The following PCDHA7 variants were observed in gnomAD, a reference collection of about 807,000 sequenced individuals.
PCDHA7 encodes the protein protocadherin alpha 7.
In PCDHA7, 37 loss-of-function variants were observed where a neutral mutation model predicts 57.2. The observed-to-expected ratio is 0.65, with a 90% CI of 0.50 to 0.85. The LOEUF is 0.85. Ranked by LOEUF, PCDHA7 falls within the 40% of genes least tolerant of loss-of-function variation. PCDHA7 has a pLI of 0.00. For missense variants in PCDHA7, 1,188 were observed against 1,241.8 expected (o/e 0.96, Z 0.65); for synonymous variants, 553 against 558.8 (o/e 0.99, Z 0.15).
chr5:140,865,412 A>C (rs1347341740), intron 1 of PCDHA7: 2 of 152,242 alleles, frequency 1.3e-5, no homozygotes, highest in Non-Finnish European at 2.9e-5. Context: ...AAAAGGAATT[A>C]GTAGTGTCTA....
chr5:140,871,832 C>G (rs2053333400), intron 1 of PCDHA7, among the ~76,000 whole-genome samples: 2 of 152,246 alleles, frequency 1.3e-5, no homozygotes, highest in Non-Finnish European at 2.9e-5. Context: ...CCCTTCATCT[C>G]TAAACTTCAA....
In PCDHA7 at chr5:140,834,970, T is replaced by A. The variant is rs2150229489; in HGVS notation, c.587T>A (p.Leu196Ter). 1 of 1,502,862 alleles carries A rather than the reference T, an allele frequency of 6.7e-7. No homozygotes were observed. The highest frequency in any genetic ancestry group is 9.0e-7 in the Non-Finnish European group (1 of 1,110,702). The allele number at this position is 1,502,862 out of a possible 1,614,324, so 93.1% of individuals were successfully genotyped here. A position where few individuals can be genotyped will look rare whatever the true frequency, so the allele number is the denominator to read the frequency against. The stretch of plus-strand genomic sequence containing the variant: ...CAGGTAAAACCTCTTGGACTTGTAT[T>A]ACGGAAACTTTTAGACAGAGAAGAA... ...NQQVKPLGLV[L>*]RKLLDREETP... The change falls in exon 1 of 4, where the codon TTA (leucine) becomes TAA (stop). Residue 196 changes from leucine (L) to a stop codon, truncating the protein, a stop_gained. Coordinates refer to ENST00000525929, the MANE Select transcript of PCDHA7 (RefSeq NM_018910.3). LOFTEE classifies it high-confidence loss of function.
At chr5:140,862,914 T>G (rs1324923018) in intron 1 of PCDHA7, 1 of 548,316 alleles carries the variant, frequency 1.8e-6, no homozygotes, top group African/African-American at 2.0e-5. Flanking sequence ...TGCTGGCGCC[T>G]TGGGTGGGCT....
At chr5:140,876,164 C>T (rs1554168313) in intron 1 of PCDHA7, 2 of 1,613,950 alleles carry the variant, frequency 1.2e-6, no homozygotes, top group South Asian at 1.1e-5. Flanking sequence ...ATTCAAATAA[C>T]CGTCCTGGAT....
intron 1 of PCDHA7, among the ~76,000 whole-genome samples, chr5:140,874,132 A>C (rs181983769): frequency 1.3e-5 from 2 of 152,240 alleles, no homozygotes; most frequent in East Asian, 3.8e-4. Flanking sequence ...TATTTAAGTT[A>C]TCTTATACTT....
chr5:140,993,372 A>T (rs2097552472), intron 3 of PCDHA7, among the ~76,000 whole-genome samples: 1 of 151,976 alleles, frequency 6.6e-6, no homozygotes, highest in South Asian at 2.1e-4. Context: ...ACTACCTCCC[A>T]GCCGGGTCCC....
chr5:140,851,070 T>C, intron 1 of PCDHA7: 1 of 1,351,546 alleles, frequency 7.4e-7, no homozygotes. Flanking sequence ...CTAGTGAGAA[T>C]TATAAACTGT....
At chr5:140,853,249 A>G in intron 1 of PCDHA7, 1 of 975,702 alleles carries the variant, frequency 1.0e-6, no homozygotes, top group Non-Finnish European at 1.2e-6. Flanking sequence ...ATTAATCTCT[A>G]TTCTCTCTCA....
At chr5:141,006,828 G>A (rs1554260937) in intron 3 of PCDHA7, among the ~76,000 whole-genome samples, 1 of 152,162 alleles carries the variant, frequency 6.6e-6, no homozygotes, top group Non-Finnish European at 1.5e-5. Context: ...TAAATGGGGT[G>A]TAATTTACTG....
At chr5:140,973,972 G>A (rs1467007704) in intron 1 of PCDHA7, among the ~76,000 whole-genome samples, 1 of 152,186 alleles carries the variant, frequency 6.6e-6, no homozygotes, top group Non-Finnish European at 1.5e-5. Flanking sequence ...TTTAAATGTG[G>A]CTTTTACAGA....
At chr5:140,995,025 C>A (rs1304675289) in intron 3 of PCDHA7, among the ~76,000 whole-genome samples, 1 of 152,146 alleles carries the variant, frequency 6.6e-6, no homozygotes, top group Non-Finnish European at 1.5e-5. Context: ...AAAGAAGATT[C>A]TTTTAAGTTT....
rs572205670 is a variant in PCDHA7 at position 140,933,229 on chromosome 5, G to A, written c.2356-45720G>A. ...TACATGTCTGTTATATTGCATTTAT[G>A]AAAAAGAAAGGACTATAAACACAAA... On this transcript the variant is annotated intron_variant, in intron 1 of 3. Coordinates refer to ENST00000525929, the MANE Select transcript of PCDHA7 (RefSeq NM_018910.3). Among the ~76,000 whole-genome samples, 114 of 151,958 alleles carry A rather than the reference G, an allele frequency of 7.5e-4. 1 individual carries two copies. The highest frequency in any genetic ancestry group is 1.5e-3 in the Non-Finnish European group (99 of 67,810).
intron 1 of PCDHA7, chr5:140,857,563 C>A (rs782037850): frequency 1.3e-6 from 2 of 1,596,904 alleles, no homozygotes; most frequent in Non-Finnish European, 8.6e-7. Flanking sequence ...CGCTGTCGAG[C>A]TACGTGTCGG....
chr5:140,952,266 G>T (rs2094712993), intron 1 of PCDHA7, among the ~76,000 whole-genome samples: 1 of 151,598 alleles, frequency 6.6e-6, no homozygotes, highest in South Asian at 2.1e-4. Context: ...CCATTCTGGG[G>T]TCTTGAGGGT....
At chr5:141,005,130 T>C (rs2153983471) in intron 3 of PCDHA7, among the ~76,000 whole-genome samples, 1 of 152,358 alleles carries the variant, frequency 6.6e-6, no homozygotes, top group South Asian at 2.1e-4. Flanking sequence ...CAAAAGTGCC[T>C]CATTGGAGAG....
Position 140,842,658 on chromosome 5 carries a change from C to T in PCDHA7, c.2355+5920C>T. ...ACCGCCAGCTTGTCTGTGGAGGTGG[C>T]CGACGTGAACGACAATGCTCCGGCG... is the stretch of plus-strand genomic sequence containing the variant. On this transcript the variant is annotated intron_variant, in intron 1 of 3. Coordinates refer to ENST00000525929, the MANE Select transcript of PCDHA7 (RefSeq NM_018910.3). 1.9e-6 allele frequency: 3 copies of T among 1,595,322 alleles called. 1 individual carries two copies. The highest frequency in any genetic ancestry group is 8.6e-7 in the Non-Finnish European group (1 of 1,165,500).
rs1164377412 is a variant in PCDHA7 at position 140,857,264 on chromosome 5, T to C, written c.2355+20526T>C. The stretch of plus-strand genomic sequence containing the variant: ...GTCCACCTACAAGAATTACTACTCA[T>C]TGGTGCTGGACAGCGCTCTGGACCG... On this transcript the variant is annotated intron_variant, in intron 1 of 3. Transcript: ENST00000525929. 5.0e-6 allele frequency: 8 copies of C among 1,598,636 alleles called. 1 individual carries two copies. The highest frequency in any genetic ancestry group is 2.2e-5 in the East Asian group (1 of 44,850).
At chr5:140,906,248 T>C (rs143429198) in intron 1 of PCDHA7, among the ~76,000 whole-genome samples, 45 of 152,272 alleles carry the variant, frequency 3.0e-4, no homozygotes, top group African/African-American at 1.1e-3. Context: ...CTTGAACCCA[T>C]ACACACCTCC....
chr5:140,879,310 T>A (rs541864795), intron 1 of PCDHA7, among the ~76,000 whole-genome samples: 1 of 152,296 alleles, frequency 6.6e-6, no homozygotes, highest in African/African-American at 2.4e-5. Context: ...AAAGTAGAAG[T>A]TGACTCTCAC....
Sources: allele counts gnomAD v4.1 joint callset (sites outside exome capture counted in the v4.1 genomes callset), GRCh38; gene constraint gnomAD v4.1.1; transcripts MANE v1.5; gene names NCBI Gene and HGNC (gene_info 2026-07-23, HGNC 2026-07-21).